The following BPTF variants were observed in gnomAD, a reference collection of about 807,000 sequenced individuals.
The protein encoded by BPTF is bromodomain PHD finger transcription factor, also known as nucleosome-remodeling factor subunit BPTF.
Under a neutral mutation model 292.5 loss-of-function variants are expected in BPTF, and 18 were observed. That is an observed-to-expected ratio of 0.06 (90% CI 0.04 to 0.09). The LOEUF is 0.09. BPTF is among the 10% of genes least tolerant of loss of function. The probability of loss-of-function intolerance (pLI) is 1.00; values close to 1 mark genes in which losing one functional copy is unlikely to be tolerated. For missense variants in BPTF, 2,726 were observed against 3,498.7 expected (o/e 0.78, Z 5.57); for synonymous variants, 1,225 against 1,251.9 (o/e 0.98, Z 0.45).
intron 3 of BPTF, among the ~76,000 whole-genome samples, chr17:67,874,528 T>G (rs12450907): frequency 0.2 from 31,015 of 152,062 alleles, 3,961 homozygotes; most frequent in East Asian, 0.66. Flanking sequence ...GTGACAGATA[T>G]CTATATCAAG....
At chr17:67,951,943 T>C (rs1410113587) in intron 23 of BPTF, among the ~76,000 whole-genome samples, 1 of 148,982 alleles carries the variant, frequency 6.7e-6, no homozygotes, top group Non-Finnish European at 1.5e-5. Context: ...TAGTTCCAGC[T>C]ACTCAGGAGG....
At chr17:67,884,185 T>C (rs1308091836) in intron 4 of BPTF, among the ~76,000 whole-genome samples, 6 of 150,448 alleles carry the variant, frequency 4.0e-5, no homozygotes, top group African/African-American at 1.2e-4. Flanking sequence ...TCACTCAGGC[T>C]GTAGTGCAGT....
At chr17:67,933,275 A>C (rs1175429315) in intron 18 of BPTF, among the ~76,000 whole-genome samples, 1 of 151,410 alleles carries the variant, frequency 6.6e-6, no homozygotes, top group Non-Finnish European at 1.5e-5. Flanking sequence ...AAAAAAAAAA[A>C]GGTAAAGATC....
chr17:67,938,313 GC>G (rs2065089016), intron 18 of BPTF, among the ~76,000 whole-genome samples: 1 of 152,116 alleles, frequency 6.6e-6, no homozygotes. Flanking sequence ...TTCTCAAACT[GC>G]AATGCAAGGA....
intron 11 of BPTF, among the ~76,000 whole-genome samples, chr17:67,916,962 C>T (rs2063048809): frequency 6.6e-6 from 1 of 151,722 alleles, no homozygotes; most frequent in African/African-American, 2.4e-5. Context: ...ATAGTGAATT[C>T]CATTTTAGGA....
In BPTF at chr17:67,927,957, T is replaced by C. The variant is rs1213971792; in HGVS notation, c.5752-398T>C. ...GGAGTGCAGTGGCATGATCTCAGCT[T>C]ACTGCAACCTCTGCCGCCTGGGTTC... On this transcript the variant is annotated intron_variant, in intron 15 of 27. Coordinates refer to ENST00000306378, the MANE Select transcript of BPTF (RefSeq NM_182641.4). Among the ~76,000 whole-genome samples the C allele has an allele frequency of 2.6e-5, 4 of 152,064 alleles. No individual in the cohort carries two copies. The East Asian group carries it at 7.7e-4, about 29-fold the overall frequency.
chr17:67,904,623 T>TA, intron 8 of BPTF, 79 bp from the exon 9 acceptor site: 1 of 1,113,094 alleles, frequency 9.0e-7, no homozygotes, highest in Non-Finnish European at 1.2e-6. Context: ...ACTTGTTTGG[T>TA]AAAAATGCAT....
At chr17:67,951,667 T>C (rs2148074623) in intron 23 of BPTF, 1 of 152,374 alleles carries the variant, frequency 6.6e-6, no homozygotes, top group East Asian at 1.9e-4. Flanking sequence ...TAAACAACTT[T>C]AGAATATATC....
intron 1 of BPTF, among the ~76,000 whole-genome samples, chr17:67,837,430 T>C (rs7208909): frequency 0.31 from 46,123 of 151,176 alleles, 8,396 homozygotes; most frequent in East Asian, 0.66. Context: ...TTTTTTGAGA[T>C]GGAGTCTTGC....
At chr17:67,879,810 G>A (rs888589262) in intron 4 of BPTF, among the ~76,000 whole-genome samples, 1 of 152,150 alleles carries the variant, frequency 6.6e-6, no homozygotes, top group Non-Finnish European at 1.5e-5. Flanking sequence ...GTCAGCTCTA[G>A]TGGGAACTAA....
At chr17:67,923,301 A>G (rs1415616138) in intron 14 of BPTF, among the ~76,000 whole-genome samples, 2 of 149,682 alleles carry the variant, frequency 1.3e-5, no homozygotes, top group Non-Finnish European at 3.0e-5. Context: ...CAAGCAATCC[A>G]CCCAACTTGG....
chr17:67,980,102 T>G (rs1468909278), intron 27 of BPTF, among the ~76,000 whole-genome samples: 2 of 151,672 alleles, frequency 1.3e-5, no homozygotes, highest in African/African-American at 4.8e-5. Context: ...CCTAACACTG[T>G]GGGAGGCTGA....
intron 1 of BPTF, among the ~76,000 whole-genome samples, chr17:67,836,574 A>T (rs1472990314): frequency 6.6e-6 from 1 of 152,232 alleles, no homozygotes; most frequent in Non-Finnish European, 1.5e-5. Context: ...TCATCCTAAA[A>T]CAATCCTTTC....
At chr17:67,927,213 C>G (rs2063992038) in intron 15 of BPTF, among the ~76,000 whole-genome samples, 1 of 152,184 alleles carries the variant, frequency 6.6e-6, no homozygotes, top group South Asian at 2.1e-4. Context: ...CACAACCTCT[C>G]TAGTCTCCGT....
At chr17:67,896,087 C>T (rs573232180) in intron 7 of BPTF, among the ~76,000 whole-genome samples, 233 of 152,024 alleles carry the variant, frequency 1.5e-3, no homozygotes, top group African/African-American at 5.3e-3. Flanking sequence ...CTCAGCCTCC[C>T]GAGTAACTGG....
At chr17:67,881,858 G>GTTTTTTGTTTT in intron 4 of BPTF, among the ~76,000 whole-genome samples, 1 of 30,016 alleles carries the variant, frequency 3.3e-5, no homozygotes, top group Non-Finnish European at 8.0e-5. Flanking sequence ...TTGGGTTTTT[G>GTTTTTTGTTTT]TTTTTTTTTT....
intron 23 of BPTF, chr17:67,956,951 G>A (rs561578337): frequency 2.0e-5 from 3 of 150,732 alleles, no homozygotes; most frequent in African/African-American, 7.3e-5. Flanking sequence ...GAGATAGAGC[G>A]AGACTCCGTC....
At chr17:67,873,282 ACCC>A (rs1027169517) in intron 3 of BPTF, among the ~76,000 whole-genome samples, 3 of 151,674 alleles carry the variant, frequency 2.0e-5, no homozygotes, top group African/African-American at 7.3e-5. Context: ...ACGTGGTGAA[ACCC>A]CGTCTCTACT....
At chr17:67,932,448 C>T (rs1231363928) in intron 18 of BPTF, among the ~76,000 whole-genome samples, 2 of 152,150 alleles carry the variant, frequency 1.3e-5, no homozygotes, top group Non-Finnish European at 2.9e-5. Flanking sequence ...CCCTGTAATC[C>T]CACTTTGGAA....
Sources: allele counts gnomAD v4.1 joint callset (sites outside exome capture counted in the v4.1 genomes callset), GRCh38; gene constraint gnomAD v4.1.1; transcripts MANE v1.5; gene names NCBI Gene and HGNC (gene_info 2026-07-23, HGNC 2026-07-21).